TJP1: variants seen among roughly 807,000 people sequenced by gnomAD.
TJP1 encodes tight junction protein ZO-1.
A neutral mutation model predicts 194.2 loss-of-function variants in TJP1; 43 were observed. The observed-to-expected ratio is 0.22, with a 90% confidence interval of 0.17 to 0.29. The LOEUF (loss-of-function observed/expected upper bound fraction) is 0.29. TJP1 is among the 10% of genes least tolerant of loss of function. The pLI is 1.00. For synonymous variants in TJP1, 801 were observed against 779.0 expected (o/e 1.03, Z -0.47); for missense variants, 1,971 against 2,185.7 (o/e 0.90, Z 1.96).
chr15:29,811,288 G>T (rs758030825), intron 1 of TJP1, among the ~76,000 whole-genome samples: 1 of 152,054 alleles, frequency 6.6e-6, no homozygotes, highest in Non-Finnish European at 1.5e-5. Context: ...TGTGTGTGTA[G>T]CGGGGCGGGG....
intron 18 of TJP1, 66 bp downstream of exon 18, chr15:29,726,312 CA>C: frequency 7.4e-7 from 1 of 1,343,382 alleles, no homozygotes. Flanking sequence ...ACTGGTATCT[CA>C]AAAGCATCTC....
chr15:29,773,680 C>T (rs1189782838), intron 2 of TJP1, among the ~76,000 whole-genome samples: 1 of 152,164 alleles, frequency 6.6e-6, no homozygotes, highest in Non-Finnish European at 1.5e-5. Context: ...TGGCAGAGCC[C>T]AGTGTGATCA....
intron 18 of TJP1, among the ~76,000 whole-genome samples, chr15:29,723,342 A>G (rs947427277): frequency 1.3e-5 from 2 of 152,114 alleles, no homozygotes; most frequent in African/African-American, 4.8e-5. Flanking sequence ...CTATTTTGTG[A>G]TAAGAGTTCT....
chr15:29,877,812 C>T (rs1013407403), intron 2 of TJP1, among the ~76,000 whole-genome samples: 2 of 151,364 alleles, frequency 1.3e-5, no homozygotes, highest in Non-Finnish European at 2.9e-5. Flanking sequence ...GGATTACAGG[C>T]GCGTGCCATC....
chr15:29,700,638 C>T lies in TJP1; in HGVS notation c.*957G>A, dbSNP rs45472197. 7 of 374,908 alleles carry T rather than the reference C, an allele frequency of 1.9e-5. No homozygotes were observed. Among genetic ancestry groups the T allele is most frequent in the East Asian group, 3.8e-5 (1 of 26,276 alleles). The allele number at this position is 374,908 out of a possible 1,614,324, so 23.2% of individuals were successfully genotyped here. A position where few individuals can be genotyped will look rare whatever the true frequency, so the allele number is the denominator to read the frequency against. Reference sequence around the variant, plus strand: ...AAACCAAGAACAAAAGTGGTATGCACGCATTATGTACAAGCATCCTTAAAA... The same window carrying T: ...AAACCAAGAACAAAAGTGGTATGCATGCATTATGTACAAGCATCCTTAAAA... On this transcript the variant is annotated 3_prime_UTR_variant, in exon 28 of 28. Transcript: ENST00000614355.
chr15:29,739,455 C>A (rs2044248755), intron 10 of TJP1, among the ~76,000 whole-genome samples: 1 of 151,890 alleles, frequency 6.6e-6, no homozygotes, highest in Admixed American at 6.6e-5. Flanking sequence ...TTTCTTTTTT[C>A]TTTTTTGAGA....
At chr15:29,806,035 A>C (rs2049091156) in intron 1 of TJP1, among the ~76,000 whole-genome samples, 1 of 152,222 alleles carries the variant, frequency 6.6e-6, no homozygotes, top group Admixed American at 6.5e-5. Context: ...ATATAATGCC[A>C]AGGACTTTAA....
intron 25 of TJP1, among the ~76,000 whole-genome samples, chr15:29,706,299 T>C (rs917574604): frequency 2.0e-5 from 3 of 152,134 alleles, no homozygotes; most frequent in Non-Finnish European, 2.9e-5. Flanking sequence ...TGTCAAAAAT[T>C]CAATTTTTGA....
At chr15:29,926,561 A>G (rs1719354) in intron 2 of TJP1, among the ~76,000 whole-genome samples, 38,460 of 151,230 alleles carry the variant, frequency 0.25, 5,135 homozygotes, top group East Asian at 0.34. Flanking sequence ...GCAGTGAGCC[A>G]AGACTGCGCC....
In TJP1 at chr15:29,894,780, G is replaced by C. The variant is rs530444181; in HGVS notation, c.306+61452C>G. On this transcript the variant is annotated intron_variant, in intron 2 of 28. Transcript: ENST00000356107. Reference sequence around the variant, plus strand: ...TACATTCTTCAGAATCTAGGTGGGTGTATCAACACCCCTACAGCTTGTGCA... The same window carrying C: ...TACATTCTTCAGAATCTAGGTGGGTCTATCAACACCCCTACAGCTTGTGCA... Among the ~76,000 whole-genome samples the C allele has an allele frequency of 2.0e-5, 3 of 152,316 alleles. No homozygotes were observed. The East Asian group carries it at 5.8e-4, about 29-fold the overall frequency.
chr15:29,895,469 C>A lies in TJP1; in HGVS notation c.306+60763G>T, dbSNP rs139808150. Among the ~76,000 whole-genome samples, 334 of 152,278 alleles carry A rather than the reference C, an allele frequency of 2.2e-3. 2 individuals are homozygous for A. Among genetic ancestry groups the A allele is most frequent in the African/African-American group, 7.7e-3 (320 of 41,568 alleles). ...TTCTTTGCCACTTTATAACAATGAT[C>A]ATGTTTCCTATGGTTTCTAATAACA... On this transcript the variant is annotated intron_variant, in intron 2 of 28. Coordinates refer to the TJP1 transcript ENST00000356107.
intron 2 of TJP1, among the ~76,000 whole-genome samples, chr15:29,936,261 A>G (rs1185858403): frequency 6.6e-6 from 1 of 152,152 alleles, no homozygotes; most frequent in Non-Finnish European, 1.5e-5. Flanking sequence ...CCACTTAAAA[A>G]AAATGGCACA....
At chr15:29,827,430 G>A (rs975854096), upstream of TJP1, among the ~76,000 whole-genome samples, 1 of 152,122 alleles carries the variant, frequency 6.6e-6, no homozygotes, top group Non-Finnish European at 1.5e-5. Flanking sequence ...AGGGCCCCAG[G>A]GCCAGAGTGT....
chr15:29,884,214 A>C (rs1026469663), intron 2 of TJP1, among the ~76,000 whole-genome samples: 11 of 152,218 alleles, frequency 7.2e-5, no homozygotes, highest in African/African-American at 2.7e-4. Flanking sequence ...CAGATGTCTC[A>C]TGTTATCCTT....
At chr15:29,839,624 G>A (rs769900123) in intron 2 of TJP1, among the ~76,000 whole-genome samples, 1 of 152,150 alleles carries the variant, frequency 6.6e-6, no homozygotes, top group Non-Finnish European at 1.5e-5. Context: ...TTTGGTGACA[G>A]AGAGAGAACT....
At chr15:29,721,120 T>C (rs775241738) in intron 18 of TJP1, among the ~76,000 whole-genome samples, 40 of 152,220 alleles carry the variant, frequency 2.6e-4, no homozygotes, top group Non-Finnish European at 2.9e-5. Context: ...CATGGAAGAA[T>C]ACCTATGAAA....
At chr15:29,922,784 A>G (rs1056891416) in intron 2 of TJP1, among the ~76,000 whole-genome samples, 5 of 152,218 alleles carry the variant, frequency 3.3e-5, no homozygotes, top group African/African-American at 1.2e-4. Flanking sequence ...ACAGGTTAAC[A>G]GTGTAATAAT....
chr15:29,833,879 A>ATTTTTTTTT (rs1460129845), intron 2 of TJP1, among the ~76,000 whole-genome samples: 1 of 13,790 alleles, frequency 7.3e-5, no homozygotes, highest in South Asian at 3.4e-3. Flanking sequence ...ATATATATAT[A>ATTTTTTTTT]TATTTTTTTT....
chr15:29,806,594 TTC>T (rs1031306585), intron 1 of TJP1, among the ~76,000 whole-genome samples: 1 of 152,160 alleles, frequency 6.6e-6, no homozygotes, highest in African/African-American at 2.4e-5. Context: ...TCCAAAGTGT[TTC>T]TGTTTTGGTC....
Sources: allele counts gnomAD v4.1 joint callset (sites outside exome capture counted in the v4.1 genomes callset), GRCh38; gene constraint gnomAD v4.1.1; transcripts MANE v1.5; gene names NCBI Gene and HGNC (gene_info 2026-07-23, HGNC 2026-07-21).